Variants in RPS6KA2 observed in about 807,000 individuals in gnomAD.
RPS6KA2 encodes the protein ribosomal protein S6 kinase alpha-2.
A neutral mutation model predicts 91.8 loss-of-function variants in RPS6KA2; 42 were observed. That is an observed-to-expected ratio of 0.46 (90% confidence interval 0.36 to 0.59). The LOEUF (loss-of-function observed/expected upper bound fraction) is 0.59, where lower values mean the gene tolerates loss of function less well. Ranked by LOEUF, RPS6KA2 falls within the 20% of genes least tolerant of loss-of-function variation. The pLI is 0.00. For missense variants in RPS6KA2, 798 were observed against 978.5 expected, an observed-to-expected ratio of 0.82 and a Z score of 2.46; for synonymous variants, 414 against 393.6, an observed-to-expected ratio of 1.05 and a Z score of -0.61.
intron 12 of RPS6KA2, among the ~76,000 whole-genome samples, chr6:166,456,230 C>A (rs539058359): frequency 6.6e-6 from 1 of 152,306 alleles, no homozygotes; most frequent in Admixed American, 6.5e-5. Flanking sequence ...TACCGAAGGC[C>A]AAGTGGATCT....
rs868806730 is a variant in RPS6KA2, at chr6:166,648,905, A to C, written c.124-110121T>G. Among the ~76,000 whole-genome samples the C allele has an allele frequency of 6.6e-6, 1 of 152,114 alleles. No individual in the cohort carries two copies. Among genetic ancestry groups the C allele is most frequent in the Non-Finnish European group, 1.5e-5 (1 of 68,018 alleles). Reference sequence around the variant, plus strand: ...CCAAGGCCCATAGAGTCTACCTTGCAGCGTCTCACCAATTCACCTGTCTCT... The same window carrying C: ...CCAAGGCCCATAGAGTCTACCTTGCCGCGTCTCACCAATTCACCTGTCTCT... On this transcript the variant is annotated intron_variant, in intron 2 of 21. Transcript: ENST00000503859. The surrounding 1 kb of genome is among the most constrained non-coding windows in gnomAD (Gnocchi z 4.8).
intron 10 of RPS6KA2, chr6:166,475,647 C>T: frequency 2.7e-6 from 1 of 365,462 alleles, no homozygotes; most frequent in South Asian, 2.3e-5. Context: ...CCTAAGCCAG[C>T]ACCTGCTACG....
chr6:166,440,542 A>T (rs1779486952), intron 14 of RPS6KA2, among the ~76,000 whole-genome samples: 1 of 152,256 alleles, frequency 6.6e-6, no homozygotes, highest in South Asian at 2.1e-4. Context: ...CAGAACTAAT[A>T]TCAGAATCAT....
chr6:166,680,465 G>A lies in RPS6KA2; in HGVS notation c.124-141681C>T, dbSNP rs1053659090. ...TCTGGTCCCCTTCCACGTTGTGGAA[G>A]GTTTGTTTTTTTGCTCTTTGTAGTA... On this transcript the variant is annotated intron_variant, in intron 2 of 21. Transcript: ENST00000503859. Among the ~76,000 whole-genome samples, 3 of 152,146 alleles carry A rather than the reference G, an allele frequency of 2.0e-5. No individual in the cohort carries two copies. In the East Asian group the frequency reaches 5.8e-4, roughly 29 times the overall value.
intron 2 of RPS6KA2, among the ~76,000 whole-genome samples, chr6:166,707,877 G>A (rs1376338142): frequency 6.6e-6 from 1 of 151,984 alleles, no homozygotes; most frequent in Non-Finnish European, 1.5e-5. Flanking sequence ...CAGAGTAGCT[G>A]GAACTACAGG....
intron 2 of RPS6KA2, among the ~76,000 whole-genome samples, chr6:166,774,130 G>A (rs1423915720): frequency 6.6e-6 from 1 of 152,186 alleles, no homozygotes; most frequent in Non-Finnish European, 1.5e-5. Flanking sequence ...TGGGGTCATA[G>A]TCTGGATGAC....
chr6:166,665,320 A>C lies in RPS6KA2; in HGVS notation c.124-126536T>G, dbSNP rs1788283518. Among the ~76,000 whole-genome samples the C allele has an allele frequency of 6.6e-6, 1 of 152,152 alleles. No homozygotes were observed. The highest frequency in any genetic ancestry group is 2.4e-5 in the African/African-American group (1 of 41,430). ...AGAGTGTCCCTAAATTGATGTTAAG[A>C]ATACTAATGAAGGATGAACTGAGTC... On this transcript the variant is annotated intron_variant, in intron 2 of 21. Coordinates refer to the RPS6KA2 transcript ENST00000503859. The surrounding 1 kb of genome is among the most constrained non-coding windows in gnomAD (Gnocchi z 4.5).
chr6:166,716,397 C>T (rs544890048), intron 2 of RPS6KA2, among the ~76,000 whole-genome samples: 1 of 152,332 alleles, frequency 6.6e-6, no homozygotes, highest in South Asian at 2.1e-4. Flanking sequence ...CTCAGCCTGT[C>T]CTGCGAGGCA....
At chr6:166,777,721 G>T (rs1778662480) in intron 2 of RPS6KA2, among the ~76,000 whole-genome samples, 1 of 152,184 alleles carries the variant, frequency 6.6e-6, no homozygotes, top group Non-Finnish European at 1.5e-5. Flanking sequence ...AATCTACAGA[G>T]AATTTATTAA....
At chr6:166,475,894 T>C (rs1400358107) in intron 10 of RPS6KA2, 3 of 503,410 alleles carry the variant, frequency 6.0e-6, no homozygotes, top group African/African-American at 2.0e-5. Context: ...AGTCTGGACA[T>C]GTATAAACAC....
At chr6:166,545,575 T>C (rs1476360623) in intron 1 of RPS6KA2, among the ~76,000 whole-genome samples, 2 of 152,124 alleles carry the variant, frequency 1.3e-5, no homozygotes, top group Non-Finnish European at 2.9e-5. Context: ...TCCTTTTTTT[T>C]CTCTTTCTAT....
intron 2 of RPS6KA2, among the ~76,000 whole-genome samples, chr6:166,677,397 T>G (rs1160483955): frequency 2.6e-5 from 4 of 151,972 alleles, no homozygotes; most frequent in African/African-American, 9.7e-5. Context: ...GGTCTCACTT[T>G]GTCACCCAGG....
chr6:166,480,479 TTATATATA>T lies in RPS6KA2; in HGVS notation c.907+8346_907+8353del, dbSNP rs3066214. ...TCTTATATTCCTTAAGATTGTGATTTTATATATATATATATATATATATATATATATAT... is the reference window on the plus strand; with the variant it reads ...TCTTATATTCCTTAAGATTGTGATTTTATATATATATATATATATATATAT... On this transcript the variant is annotated intron_variant, in intron 10 of 20. Coordinates refer to ENST00000265678, the MANE Select transcript of RPS6KA2 (RefSeq NM_021135.6). Among the ~76,000 whole-genome samples the T allele has an allele frequency of 7.3e-3, 732 of 99,836 alleles. 23 individuals carry two copies. Among genetic ancestry groups the T allele is most frequent in the African/African-American group, 0.03 (625 of 20,968 alleles). 65.5% of individuals were successfully genotyped at this position (99,836 alleles called of 152,430 possible).
At chr6:166,530,081 C>T (rs1360455892) in intron 3 of RPS6KA2, among the ~76,000 whole-genome samples, 1 of 152,180 alleles carries the variant, frequency 6.6e-6, no homozygotes, top group Non-Finnish European at 1.5e-5. Context: ...ATTTCCTCAG[C>T]TAGAAGGCAA....
At chr6:166,596,803 C>T (rs191888977) in intron 1 of RPS6KA2, among the ~76,000 whole-genome samples, 2 of 152,310 alleles carry the variant, frequency 1.3e-5, no homozygotes, top group Admixed American at 6.5e-5. Context: ...CTGACTAATA[C>T]ACTCTGTGAG....
chr6:166,578,282 C>T (rs1183702933), intron 1 of RPS6KA2, among the ~76,000 whole-genome samples: 1 of 152,182 alleles, frequency 6.6e-6, no homozygotes, highest in Non-Finnish European at 1.5e-5. Context: ...GGACTGGGGG[C>T]TGTCCTGCTG....
chr6:166,848,858 T>C (rs957571070), intron 2 of RPS6KA2, among the ~76,000 whole-genome samples: 10 of 152,124 alleles, frequency 6.6e-5, no homozygotes, highest in African/African-American at 2.4e-4. Flanking sequence ...CTAAAGAACT[T>C]ATTCATGCAA....
chr6:166,828,809 AC>A (rs1454803242), intron 2 of RPS6KA2, among the ~76,000 whole-genome samples: 2 of 152,238 alleles, frequency 1.3e-5, no homozygotes, highest in African/African-American at 4.8e-5. Context: ...GGCAACAACA[AC>A]AAAAAATAGA....
At chr6:166,841,583 G>A (rs965247578) in intron 2 of RPS6KA2, among the ~76,000 whole-genome samples, 3 of 152,262 alleles carry the variant, frequency 2.0e-5, no homozygotes, top group African/African-American at 7.2e-5. Flanking sequence ...GTCTGAGATG[G>A]CAGCTCTGAT....
Sources: gnomAD v4.1 joint callset for allele counts (sites outside exome capture counted in the v4.1 genomes callset) on GRCh38, gnomAD v4.1.1 for gene constraint, Gnocchi (gnomAD v3.1) non-coding constraint, MANE v1.5 for transcripts, NCBI Gene and HGNC (gene_info 2026-07-23, HGNC 2026-07-21) for gene names.